ADCK1: variants seen among roughly 807,000 people sequenced by gnomAD.
The protein encoded by ADCK1 is aarF domain-containing protein kinase 1.
A neutral mutation model predicts 52.3 loss-of-function variants in ADCK1; 41 were observed. The ratio of observed to expected loss-of-function variants is 0.78; its 90% confidence interval spans 0.61 to 1.02. The LOEUF is 1.02. Among genes scored for constraint, ADCK1 ranks in the 50% least tolerant of loss-of-function variants. The pLI, the probability that ADCK1 is intolerant of heterozygous loss-of-function variation, is 0.00. For synonymous variants in ADCK1, 250 were observed against 274.6 expected (o/e 0.91, Z 0.89); for missense variants, 658 against 679.5 (o/e 0.97, Z 0.35).
At chr14:77,890,548 T>C (rs1027485296) in intron 5 of ADCK1, among the ~76,000 whole-genome samples, 1 of 152,178 alleles carries the variant, frequency 6.6e-6, no homozygotes, top group African/African-American at 2.4e-5. Context: ...TACCTCTTAA[T>C]GGGAGAGTGG....
intron 2 of ADCK1, 97 bp downstream of exon 2, chr14:77,819,210 G>A: frequency 6.5e-7 from 1 of 1,528,022 alleles, no homozygotes. Flanking sequence ...TGCATATGTG[G>A]AGATACTTGT....
chr14:77,826,536 T>G (rs2140050064), intron 3 of ADCK1, among the ~76,000 whole-genome samples: 1 of 152,308 alleles, frequency 6.6e-6, no homozygotes, highest in African/African-American at 2.4e-5. Flanking sequence ...GAGGGGCTCA[T>G]GTGCTTTGGA....
intron 4 of ADCK1, among the ~76,000 whole-genome samples, chr14:77,874,352 A>C (rs1365426017): frequency 6.6e-6 from 1 of 152,190 alleles, no homozygotes; most frequent in African/African-American, 2.4e-5. Context: ...GGAATCTGCA[A>C]ATAGGGTTGC....
intron 6 of ADCK1, among the ~76,000 whole-genome samples, chr14:77,905,197 A>G (rs922154000): frequency 1.3e-5 from 2 of 151,838 alleles, no homozygotes; most frequent in African/African-American, 4.8e-5. Context: ...GTTTGCAGGG[A>G]GACCAAAAAG....
In ADCK1 at chr14:77,810,832, G is replaced by A. The variant is rs920944904; in HGVS notation, c.-11-8136G>A. 5.3e-5 allele frequency among the ~76,000 whole-genome samples: 8 copies of A among 152,304 alleles called. No individual in the cohort carries two copies. In the East Asian group the frequency reaches 5.8e-4, roughly 11 times the overall value. ...AGGCGTGAGCCTCCGTGCCCGGCAA[G>A]GCTGGGTTCTTTACCCACGGTCTCT... On this transcript the variant is annotated intron_variant, in intron 1 of 10. Transcript: ENST00000238561.
intron 1 of ADCK1, among the ~76,000 whole-genome samples, chr14:77,812,874 G>A (rs1264875121): frequency 6.6e-6 from 1 of 152,056 alleles, no homozygotes; most frequent in Non-Finnish European, 1.5e-5. Context: ...ACAGATATGA[G>A]TCACCATGCC....
chr14:77,873,101 A>G (rs992527454), intron 4 of ADCK1, among the ~76,000 whole-genome samples: 1 of 152,196 alleles, frequency 6.6e-6, no homozygotes, highest in African/African-American at 2.4e-5. Flanking sequence ...TCGCCTGAGC[A>G]GTGTACACTG....
rs556609137 is a variant in ADCK1 at position 77,901,377 on chromosome 14, T to A, written c.741+2119T>A. On this transcript the variant is annotated intron_variant, in intron 6 of 10. Transcript: ENST00000238561. ...GGAGCTGGTCCTTTTTTTTTTTTTTTAATTAATTATTTTATTATTATGATT... is the reference window on the plus strand; with the variant it reads ...GGAGCTGGTCCTTTTTTTTTTTTTTAAATTAATTATTTTATTATTATGATT... Among the ~76,000 whole-genome samples the A allele has an allele frequency of 1.1e-3, 163 of 146,338 alleles. 2 individuals are homozygous for A. In the East Asian group the frequency reaches 0.024, roughly 21 times the overall value.
At chr14:77,921,985 A>C (rs77454085) in intron 7 of ADCK1, among the ~76,000 whole-genome samples, 2,929 of 152,344 alleles carry the variant, frequency 0.019, 86 homozygotes, top group African/African-American at 0.067. Context: ...GAATTCTGTC[A>C]GCTCAGTCTG....
At chr14:77,929,671 T>C (rs7154310) in intron 9 of ADCK1, among the ~76,000 whole-genome samples, 1 of 146,850 alleles carries the variant, frequency 6.8e-6, no homozygotes, top group Non-Finnish European at 1.5e-5. Flanking sequence ...GTGAACAAAA[T>C]TTTTTTTTTT....
chr14:77,930,030 A>G (rs1355721176), intron 9 of ADCK1, among the ~76,000 whole-genome samples: 1 of 152,192 alleles, frequency 6.6e-6, no homozygotes, highest in Non-Finnish European at 1.5e-5. Context: ...ACCCACCATC[A>G]GGATGTGTCT....
rs927910686 is a variant in ADCK1, at chr14:77,905,372, G to A, written c.742-2431G>A. Among the ~76,000 whole-genome samples, 15 of 143,252 alleles carry A rather than the reference G, an allele frequency of 1.0e-4. No individual in the cohort carries two copies. The East Asian group carries it at 1.2e-3, about 11-fold the overall frequency. 94.0% of individuals were successfully genotyped at this position (143,252 alleles called of 152,430 possible). ...GTCACCGTGGCTGGAGTACAGTGGCGTATTCTTCACCCACTGCAACCTCCG... is the reference window on the plus strand; with the variant it reads ...GTCACCGTGGCTGGAGTACAGTGGCATATTCTTCACCCACTGCAACCTCCG... On this transcript the variant is annotated intron_variant, in intron 6 of 10. Transcript: ENST00000238561.
chr14:77,870,669 G>A (rs2082757083), intron 4 of ADCK1, among the ~76,000 whole-genome samples: 1 of 152,242 alleles, frequency 6.6e-6, no homozygotes, highest in Admixed American at 6.5e-5. Flanking sequence ...GGAGCTCAGA[G>A]CGTGAGTGTC....
intron 9 of ADCK1, among the ~76,000 whole-genome samples, 157 bp from the exon 10 acceptor site, chr14:77,931,361 A>G (rs1251978036): frequency 6.6e-6 from 1 of 152,154 alleles, no homozygotes; most frequent in Non-Finnish European, 1.5e-5. Context: ...AGACTTCTCT[A>G]TGGGGAGTGC....
At chr14:77,928,165 G>C (rs2084240307) in intron 9 of ADCK1, among the ~76,000 whole-genome samples, 1 of 152,116 alleles carries the variant, frequency 6.6e-6, no homozygotes, top group South Asian at 2.1e-4. Flanking sequence ...GCAGGGCCAA[G>C]GCTGCATCAT....
At chr14:77,867,465 A>T (rs992182699) in intron 4 of ADCK1, among the ~76,000 whole-genome samples, 6 of 152,206 alleles carry the variant, frequency 3.9e-5, no homozygotes, top group African/African-American at 1.4e-4. Flanking sequence ...AATGAAGAAT[A>T]AAAAAACCCA....
At chr14:77,804,509 A>C (rs2081177244) in intron 1 of ADCK1, among the ~76,000 whole-genome samples, 2 of 147,212 alleles carry the variant, frequency 1.4e-5, no homozygotes, top group South Asian at 4.3e-4. Context: ...TCCCACCCAG[A>C]GGTGGTCTCA....
chr14:77,879,930 T>C (rs554489481), intron 4 of ADCK1, among the ~76,000 whole-genome samples: 13 of 152,322 alleles, frequency 8.5e-5, no homozygotes, highest in African/African-American at 1.7e-4. Flanking sequence ...CTAGACCCTT[T>C]ATGTATGTGG....
intron 3 of ADCK1, among the ~76,000 whole-genome samples, chr14:77,850,648 C>CTTTTTTTTTTTTTTTT (rs58373247): frequency 9.3e-6 from 1 of 107,990 alleles, no homozygotes; most frequent in African/African-American, 3.7e-5. Flanking sequence ...CATGATATAT[C>CTTTTTTTTTTTTTTTT]TTTTTTTTTT....
Sources: allele counts gnomAD v4.1 joint callset (sites outside exome capture counted in the v4.1 genomes callset), GRCh38; gene constraint gnomAD v4.1.1; transcripts MANE v1.5; gene names NCBI Gene and HGNC (gene_info 2026-07-23, HGNC 2026-07-21).